The following ITGA8 variants were observed in gnomAD, a reference collection of about 807,000 sequenced individuals.
The protein encoded by ITGA8 is integrin alpha-8.
In ITGA8, 91 loss-of-function variants were observed where a neutral mutation model predicts 142.3. That is an observed-to-expected ratio of 0.64 (90% confidence interval 0.54 to 0.76). The LOEUF (loss-of-function observed/expected upper bound fraction) is 0.76, where lower values mean the gene tolerates loss of function less well. ITGA8 is among the 30% of genes least tolerant of loss of function. ITGA8 has a pLI of 0.00. For synonymous variants in ITGA8, 505 were observed against 485.2 expected, an observed-to-expected ratio of 1.04 and a Z score of -0.54; for missense variants, 1,406 against 1,327.7, an observed-to-expected ratio of 1.06 and a Z score of -0.92.
chr10:15,642,098 A>G (rs563737558), intron 13 of ITGA8, among the ~76,000 whole-genome samples: 1 of 152,336 alleles, frequency 6.6e-6, no homozygotes, highest in African/African-American at 2.4e-5. Context: ...ACTGCACTCC[A>G]GCCTGAGGGC....
Position 15,571,110 on chromosome 10 carries a change from T to C in ITGA8, c.2637+1101A>G, listed in dbSNP as rs147742448. On this transcript the variant is annotated intron_variant, in intron 25 of 29. Transcript: ENST00000378076. ...TTTAAAGAATCTTGTGTAACACAAG[T>C]GGCCTTATGTATAATTTCTACATAA... Among the ~76,000 whole-genome samples, 3 of 152,332 alleles carry C rather than the reference T, an allele frequency of 2.0e-5. No individual in the cohort carries two copies. The East Asian group carries it at 5.8e-4, about 29-fold the overall frequency.
chr10:15,546,091 ACTCAGGT>A (rs145286371), intron 27 of ITGA8, among the ~76,000 whole-genome samples: 1,630 of 152,050 alleles, frequency 0.011, 24 homozygotes, highest in African/African-American at 0.038. Flanking sequence ...TCTTTGCGTG[ACTCAGGT>A]CTCAGTTCCA....
chr10:15,629,225 G>A (rs954513872), intron 13 of ITGA8, among the ~76,000 whole-genome samples: 3 of 151,950 alleles, frequency 2.0e-5, no homozygotes, highest in African/African-American at 4.9e-5. Flanking sequence ...CTGCCTCTCC[G>A]TTTTTGGTTC....
At chr10:15,627,470 C>G (rs1400085765) in intron 13 of ITGA8, among the ~76,000 whole-genome samples, 1 of 152,106 alleles carries the variant, frequency 6.6e-6, no homozygotes, top group Non-Finnish European at 1.5e-5. Context: ...TTTCAGGTAA[C>G]CAGCTATTAA....
intron 28 of ITGA8, among the ~76,000 whole-genome samples, chr10:15,520,638 A>G (rs1833046384): frequency 6.6e-6 from 1 of 152,240 alleles, no homozygotes; most frequent in African/African-American, 2.4e-5. Context: ...GAAGCTGCAG[A>G]TTCCCAAGGA....
chr10:15,593,780 C>T (rs1832963763), intron 21 of ITGA8, among the ~76,000 whole-genome samples: 1 of 151,756 alleles, frequency 6.6e-6, no homozygotes, highest in African/African-American at 2.4e-5. Flanking sequence ...GTGACTTGCT[C>T]AAAGTATCAC....
At chr10:15,603,327 C>A (rs1267964458) in intron 20 of ITGA8, among the ~76,000 whole-genome samples, 1 of 152,088 alleles carries the variant, frequency 6.6e-6, no homozygotes, top group African/African-American at 2.4e-5. Context: ...ACAAGGTCCT[C>A]AGGGGGTGTG....
intron 13 of ITGA8, among the ~76,000 whole-genome samples, chr10:15,640,964 G>A (rs1271028149): frequency 6.6e-6 from 1 of 152,190 alleles, no homozygotes; most frequent in African/African-American, 2.4e-5. Flanking sequence ...CAGATGATGG[G>A]TGTGAGCCAG....
intron 8 of ITGA8, among the ~76,000 whole-genome samples, chr10:15,668,419 A>G (rs1834439532): frequency 6.7e-6 from 1 of 149,408 alleles, no homozygotes; most frequent in South Asian, 2.2e-4. Flanking sequence ...GTGTCTCTGC[A>G]CGTGAGATGG....
intron 1 of ITGA8, 98 bp downstream of exon 1, chr10:15,719,465 G>A: frequency 8.9e-7 from 1 of 1,128,366 alleles, no homozygotes. Context: ...GCAGGACGGG[G>A]ATCCCAGGCT....
chr10:15,680,216 CTTTTTTTTTTTTT>C (rs71374638), intron 4 of ITGA8, among the ~76,000 whole-genome samples: 8 of 54,278 alleles, frequency 1.5e-4, no homozygotes, highest in African/African-American at 3.3e-4. Flanking sequence ...CCAGATGCTC[CTTTTTTTTTTTTT>C]TTTTTTTTTT....
At chr10:15,588,659 T>C (rs546304069) in intron 22 of ITGA8, among the ~76,000 whole-genome samples, 1 of 152,222 alleles carries the variant, frequency 6.6e-6, no homozygotes, top group African/African-American at 2.4e-5. Context: ...CCGTGGAAAT[T>C]AGAATTACGA....
intron 7 of ITGA8, among the ~76,000 whole-genome samples, chr10:15,672,336 C>T (rs1464258316): frequency 1.3e-5 from 2 of 152,194 alleles, no homozygotes; most frequent in Admixed American, 6.5e-5. Flanking sequence ...CTGTCCCTGT[C>T]ACACTGGTAG....
At position 15,607,884 on chromosome 10, in the gene ITGA8, A is replaced by C; in HGVS notation, c.1610-53T>G. On this transcript the variant is annotated intron_variant, in intron 16 of 29. Transcript: ENST00000378076. ...AAGTATTCAGTGAACACAGTGCTCT[A>C]TCAGAGAGATGAATTTCTATTTCAA... 3 of 1,427,246 alleles carry C rather than the reference A, an allele frequency of 2.1e-6. No homozygotes were observed. The South Asian group carries it at 3.5e-5, about 17-fold the overall frequency. 88.4% of individuals were successfully genotyped at this position (1,427,246 alleles called of 1,614,324 possible). A position where few individuals can be genotyped will look rare whatever the true frequency, so the allele number is the denominator to read the frequency against.
chr10:15,651,192 G>T (rs949042865), intron 11 of ITGA8, among the ~76,000 whole-genome samples: 1 of 151,580 alleles, frequency 6.6e-6, no homozygotes, highest in Non-Finnish European at 1.5e-5. Context: ...CTCAAAAGCC[G>T]TAAGAAAAAA....
rs1025640446 is a variant in ITGA8 at position 15,515,026 on chromosome 10, G to T, written c.*2132C>A. The stretch of plus-strand genomic sequence containing the variant: ...CACCAATGTTGGCTTAAAGACAAGG[G>T]GTGCATTTTTTCAGGGACCTTTTAG... On this transcript the variant is annotated 3_prime_UTR_variant, in exon 30 of 30. Coordinates refer to ENST00000378076, the MANE Select transcript of ITGA8 (RefSeq NM_003638.3). 11 of 152,084 alleles carry T rather than the reference G, an allele frequency of 7.2e-5. No homozygotes were observed. Among genetic ancestry groups the T allele is most frequent in the African/African-American group, 2.7e-4 (11 of 41,384 alleles). The allele number at this position is 152,084 out of a possible 1,614,324, so 9.4% of individuals were successfully genotyped here. A position where few individuals can be genotyped will look rare whatever the true frequency, so the allele number is the denominator to read the frequency against.
chr10:15,631,613 G>A (rs913731986), intron 13 of ITGA8, among the ~76,000 whole-genome samples: 7 of 151,580 alleles, frequency 4.6e-5, no homozygotes, highest in African/African-American at 1.5e-4. Context: ...AATACTTAAT[G>A]TAGATGACGG....
chr10:15,718,804 C>A lies in ITGA8; in HGVS notation c.305G>T (p.Gly102Val). 6.2e-7 allele frequency: 1 copy of A among 1,614,130 alleles called. No homozygotes were observed. The highest frequency in any genetic ancestry group is 8.5e-7 in the Non-Finnish European group (1 of 1,180,022). ...AVYYCPWPAE[G>V]SAQCRQIPFD... ...CGGTATCTGCCTGCACTGCGCAGACCCCTCCGCGGGCCAAGGACAGTAATA... is the reference window on the plus strand; with the variant it reads ...CGGTATCTGCCTGCACTGCGCAGACACCTCCGCGGGCCAAGGACAGTAATA... Residue 102 changes from glycine to valine, a missense_variant, in exon 2 of 30, where the codon GGG becomes GTG. By Grantham distance (109) the Gly-to-Val change is moderately radical (BLOSUM62 -3). Coordinates refer to ENST00000378076, the MANE Select transcript of ITGA8 (RefSeq NM_003638.3).
chr10:15,540,996 A>C (rs1833558005), intron 27 of ITGA8, among the ~76,000 whole-genome samples: 1 of 152,160 alleles, frequency 6.6e-6, no homozygotes, highest in African/African-American at 2.4e-5. Flanking sequence ...TTTGCTAGAG[A>C]GTTCTGAATA....
Sources: gnomAD v4.1 joint callset for allele counts (sites outside exome capture counted in the v4.1 genomes callset) on GRCh38, gnomAD v4.1.1 for gene constraint, MANE v1.5 for transcripts, NCBI Gene and HGNC (gene_info 2026-07-23, HGNC 2026-07-21) for gene names.